The following PPP6R2 variants were observed in gnomAD, a reference collection of about 807,000 sequenced individuals.
PPP6R2 encodes serine/threonine-protein phosphatase 6 regulatory subunit 2.
In PPP6R2, 62 loss-of-function variants were observed where a neutral mutation model predicts 100.2. The ratio of observed to expected loss-of-function variants is 0.62; its 90% CI spans 0.50 to 0.76. The LOEUF (loss-of-function observed/expected upper bound fraction) is 0.76, where lower values mean the gene tolerates loss of function less well. Among genes scored for constraint, PPP6R2 ranks in the 30% least tolerant of loss-of-function variants. PPP6R2 has a pLI of 0.00. For missense variants in PPP6R2, 1,142 were observed against 1,276.3 expected (o/e 0.89, Z 1.60); for synonymous variants, 525 against 514.7 (o/e 1.02, Z -0.27).
intron 3 of PPP6R2, 121 bp downstream of exon 3, chr22:50,394,256 C>T (rs2056257525): frequency 2.1e-6 from 3 of 1,449,042 alleles, no homozygotes; most frequent in East Asian, 2.4e-5. Context: ...TAAAAATCCA[C>T]CCCATGTGAG....
intron 2 of PPP6R2, among the ~76,000 whole-genome samples, chr22:50,374,371 T>G (rs140605403): frequency 6.6e-6 from 1 of 152,004 alleles, no homozygotes; most frequent in Non-Finnish European, 1.5e-5. Context: ...ACATATGGAT[T>G]AAACAGATTA....
intron 9 of PPP6R2, 39 bp downstream of exon 9, chr22:50,422,419 G>A (rs559179939): frequency 9.3e-5 from 150 of 1,605,348 alleles, no homozygotes; most frequent in South Asian, 2.0e-4. Flanking sequence ...CTTTGGAGGC[G>A]TCGCAGGAGA....
At chr22:50,356,141 T>A (rs924686912) in intron 1 of PPP6R2, among the ~76,000 whole-genome samples, 8 of 149,284 alleles carry the variant, frequency 5.4e-5, no homozygotes, top group African/African-American at 1.7e-4. Flanking sequence ...TTTTTCTATT[T>A]TTTTAGTAGA....
At chr22:50,415,777 C>G (rs544653805) in intron 5 of PPP6R2, among the ~76,000 whole-genome samples, 11 of 152,338 alleles carry the variant, frequency 7.2e-5, no homozygotes, top group Admixed American at 5.9e-4. Flanking sequence ...CAGCATCCAG[C>G]GGGGCTCCTG....
chr22:50,395,345 A>T (rs2056557437), intron 3 of PPP6R2, among the ~76,000 whole-genome samples: 1 of 152,130 alleles, frequency 6.6e-6, no homozygotes, highest in South Asian at 2.1e-4. Context: ...GTCAGGACAG[A>T]AGGGTGAGCA....
chr22:50,438,277 C>T lies in PPP6R2; in HGVS notation c.1943C>T (p.Ala648Val). The change falls in exon 18 of 24, where the codon GCC becomes GTC. Residue 648 changes from alanine to valine, a missense_variant. Around this residue, in one of 2 missense-constraint regions of PPP6R2, gnomAD observed 550 missense variants for 517.4 expected, o/e 1.06. Transcript: ENST00000612753. ...GAGGACAGTGACACTCGCTGTGCTG[C>T]CCGGGTGATGGCCAGACCCAGGTGC... is the stretch of plus-strand genomic sequence containing the variant. ...IWEDSDTRCAARVMARPRFGA... is the reference protein window; with the variant it reads ...IWEDSDTRCAVRVMARPRFGA... 3 of 1,613,198 alleles carry T rather than the reference C, an allele frequency of 1.9e-6. No individual in the cohort carries two copies. Among genetic ancestry groups the T allele is most frequent in the Middle Eastern group, 3.3e-4 (2 of 6,056 alleles).
In PPP6R2 at chr22:50,414,536, G is replaced by T. The variant is rs776629678; in HGVS notation, c.415-16G>T. 6.2e-7 allele frequency: 1 copy of T among 1,613,668 alleles called. No individual in the cohort carries two copies. The highest frequency in any genetic ancestry group is 1.3e-5 in the African/African-American group (1 of 75,024). ...AGGGTCGGCCCCGCCTGCCTCTCAGGTGTGTGTGATTTCAGGTGATTACGT... is the reference window on the plus strand; with the variant it reads ...AGGGTCGGCCCCGCCTGCCTCTCAGTTGTGTGTGATTTCAGGTGATTACGT... On this transcript the variant is annotated splice_polypyrimidine_tract_variant and intron_variant, in intron 4 of 23. Transcript: ENST00000612753.
chr22:50,421,957 A>G (rs927314601), intron 8 of PPP6R2, among the ~76,000 whole-genome samples: 2 of 152,138 alleles, frequency 1.3e-5, no homozygotes, highest in African/African-American at 4.8e-5. Context: ...AGTGGGACAG[A>G]GCAGGACCTC....
chr22:50,354,653 C>G (rs1235254263), intron 1 of PPP6R2, among the ~76,000 whole-genome samples: 2 of 151,736 alleles, frequency 1.3e-5, no homozygotes, highest in East Asian at 2.0e-4. Context: ...TGGTTAAACC[C>G]TGTCTGTACT....
At chr22:50,333,584 G>A in the PPP6R2 span, among the ~76,000 whole-genome samples, 15 of 152,120 alleles carry the variant, frequency 9.9e-5, no homozygotes, top group East Asian at 3.9e-4. Flanking sequence ...CGCCCACCTC[G>A]GCCTCCCAAA....
At chr22:50,336,606 C>T in the PPP6R2 span, among the ~76,000 whole-genome samples, 1 of 151,482 alleles carries the variant, frequency 6.6e-6, no homozygotes, top group Non-Finnish European at 1.5e-5. Context: ...ATTGTCCTGG[C>T]TGGTCTCAAA....
At chr22:50,384,949 T>G (rs1017278797) in intron 2 of PPP6R2, among the ~76,000 whole-genome samples, 3 of 152,138 alleles carry the variant, frequency 2.0e-5, no homozygotes, top group Admixed American at 6.6e-5. Flanking sequence ...GGTCTTGCCA[T>G]GTCTAGCAGG....
Position 50,422,382 on chromosome 22 carries a change from TA to T in PPP6R2, c.972+5del. On this transcript the variant is annotated splice_donor_region_variant and intron_variant, in intron 9 of 23. Coordinates refer to ENST00000612753, the MANE Select transcript of PPP6R2 (RefSeq NM_001242898.2). Reference sequence around the variant, plus strand: ...CAGCTCCTGCTCAACCCGCCCAAGGTAAATGGCCGTGGCGACTGCTGAGTGC... The same window carrying T: ...CAGCTCCTGCTCAACCCGCCCAAGGTAATGGCCGTGGCGACTGCTGAGTGC... 9 of 1,613,764 alleles carry T rather than the reference TA, an allele frequency of 5.6e-6. No individual in the cohort carries two copies. The highest frequency in any genetic ancestry group is 6.8e-6 in the Non-Finnish European group (8 of 1,179,848).
At chr22:50,411,025 A>G (rs2059677276) in intron 4 of PPP6R2, among the ~76,000 whole-genome samples, 1 of 152,318 alleles carries the variant, frequency 6.6e-6, no homozygotes, top group African/African-American at 2.4e-5. Context: ...TCCTGACCTC[A>G]GGTGATCCAC....
intron 12 of PPP6R2, among the ~76,000 whole-genome samples, chr22:50,433,148 G>T (rs2063485962): frequency 6.6e-6 from 1 of 152,274 alleles, no homozygotes; most frequent in African/African-American, 2.4e-5. Context: ...TCAAACAGAA[G>T]TGTCCTGGAG....
intron 1 of PPP6R2, among the ~76,000 whole-genome samples, chr22:50,357,390 TTCCC>T (rs138820333): frequency 0.015 from 2,289 of 152,030 alleles, 51 homozygotes; most frequent in African/African-American, 0.052. Flanking sequence ...TTTCATCTCT[TTCCC>T]TCCCTCTCTC....
chr22:50,421,256 A>G (rs2061294313), intron 8 of PPP6R2, among the ~76,000 whole-genome samples: 1 of 152,246 alleles, frequency 6.6e-6, no homozygotes, highest in Admixed American at 6.5e-5. Context: ...TCTGAGGCCC[A>G]AGCTTAACCC....
chr22:50,381,396 GCCCCA>G lies in PPP6R2; in HGVS notation c.-17+9249_-17+9253del, dbSNP rs1240309623. ...CGGGCCCCACCTCAGCATCACACGGGCCCCACCTCAGCACCACACGGGCCCCACCT... is the reference window on the plus strand; with the variant it reads ...CGGGCCCCACCTCAGCATCACACGGGCCTCAGCACCACACGGGCCCCACCT... On this transcript the variant is annotated intron_variant, in intron 2 of 23. Coordinates refer to ENST00000612753, the MANE Select transcript of PPP6R2 (RefSeq NM_001242898.2). Among the ~76,000 whole-genome samples the G allele has an allele frequency of 1.1e-3, 90 of 83,362 alleles. 7 individuals are homozygous for G. Among genetic ancestry groups the G allele is most frequent in the Non-Finnish European group, 1.8e-3 (77 of 43,608 alleles). The allele number at this position is 83,362 out of a possible 152,430, so 54.7% of individuals were successfully genotyped here. A position where few individuals can be genotyped will look rare whatever the true frequency, so the allele number is the denominator to read the frequency against.
At chr22:50,400,390 G>A (rs757205765) in intron 3 of PPP6R2, among the ~76,000 whole-genome samples, 37 of 152,098 alleles carry the variant, frequency 2.4e-4, no homozygotes, top group Non-Finnish European at 4.1e-4. Flanking sequence ...TTAGGGCATC[G>A]GGCCTGCGTG....
Sources: gnomAD v4.1 joint callset for allele counts (sites outside exome capture counted in the v4.1 genomes callset) on GRCh38, gnomAD v4.1.1 for gene constraint, gnomAD v4.1.1 regional missense constraint, MANE v1.5 for transcripts, NCBI Gene and HGNC (gene_info 2026-07-23, HGNC 2026-07-21) for gene names.